The following SMOC2 variants were observed in gnomAD, a reference collection of about 807,000 sequenced individuals.
SMOC2 encodes SPARC related modular calcium binding 2.
SMOC2 carries 39 observed loss-of-function variants against 61.4 expected under a neutral mutation model. The ratio of observed to expected loss-of-function variants is 0.64; its 90% CI spans 0.49 to 0.83. The LOEUF (loss-of-function observed/expected upper bound fraction) is 0.83. SMOC2 is among the 40% of genes least tolerant of loss of function. SMOC2 has a pLI of 0.00. For synonymous variants in SMOC2, 247 were observed against 239.9 expected, an observed-to-expected ratio of 1.03 and a Z score of -0.27; for missense variants, 556 against 592.9, an observed-to-expected ratio of 0.94 and a Z score of 0.65.
chr6:168,611,647 G>C (rs58331691), intron 9 of SMOC2, among the ~76,000 whole-genome samples: 12,127 of 108,438 alleles, frequency 0.11, 516 homozygotes, highest in Middle Eastern at 0.18. Flanking sequence ...CGTGGCTCCC[G>C]TGTCGGGCCT....
At chr6:168,548,790 ATG>A (rs1784065809) in intron 6 of SMOC2, among the ~76,000 whole-genome samples, 1 of 152,212 alleles carries the variant, frequency 6.6e-6, no homozygotes, top group African/African-American at 2.4e-5. Context: ...AAAACGTTGT[ATG>A]TTATGTGAAT....
At chr6:168,451,626 T>TCC (rs1554280349) in intron 1 of SMOC2, among the ~76,000 whole-genome samples, 8 of 150,150 alleles carry the variant, frequency 5.3e-5, no homozygotes, top group Non-Finnish European at 1.2e-4. Context: ...TCTCTCTCTC[T>TCC]CTCCCTCCCT....
chr6:168,558,261 A>C (rs1368116633), intron 7 of SMOC2, among the ~76,000 whole-genome samples: 1 of 152,208 alleles, frequency 6.6e-6, no homozygotes, highest in East Asian at 1.9e-4. Context: ...CATGTCAGGC[A>C]TGGGGAGGAG....
intron 7 of SMOC2, among the ~76,000 whole-genome samples, chr6:168,573,707 G>A (rs1012541664): frequency 4.6e-5 from 7 of 152,100 alleles, no homozygotes; most frequent in African/African-American, 1.7e-4. Flanking sequence ...ACAGCCTCAG[G>A]ACCCTGTCTC....
chr6:168,510,219 G>A lies in SMOC2; in HGVS notation c.256+133G>A. On this transcript the variant is annotated intron_variant, in intron 2 of 12. Transcript: ENST00000356284. ...TATGTTGGCTCTTTTTTTACAGCAT[G>A]TAAGGAAGAAGAGTAATTTCTATGA... 3.8e-6 allele frequency: 3 copies of A among 781,542 alleles called. 1 individual carries two copies. The highest frequency in any genetic ancestry group is 4.7e-5 in the South Asian group (2 of 42,748). The allele number at this position is 781,542 out of a possible 1,614,324, so 48.4% of individuals were successfully genotyped here. A position where few individuals can be genotyped will look rare whatever the true frequency, so the allele number is the denominator to read the frequency against.
intron 7 of SMOC2, among the ~76,000 whole-genome samples, chr6:168,551,076 G>A (rs1241070951): frequency 1.3e-5 from 2 of 152,184 alleles, no homozygotes; most frequent in African/African-American, 4.8e-5. Flanking sequence ...CCCCCATGCT[G>A]TTCTCATGAT....
chr6:168,607,361 A>G (rs779763492), intron 8 of SMOC2, among the ~76,000 whole-genome samples: 5 of 152,120 alleles, frequency 3.3e-5, no homozygotes, highest in Admixed American at 1.3e-4. Context: ...GCTGAATGGC[A>G]TGCATATGGC....
intron 7 of SMOC2, among the ~76,000 whole-genome samples, chr6:168,550,281 C>T (rs1377921345): frequency 6.6e-6 from 1 of 152,196 alleles, no homozygotes; most frequent in African/African-American, 2.4e-5. Context: ...TTCACAGAGG[C>T]TGCTTATGCA....
rs150352718 is a variant in SMOC2, at chr6:168,504,052, G to A, written c.85-5863G>A. Among the ~76,000 whole-genome samples, 1,232 of 152,176 alleles carry A rather than the reference G, an allele frequency of 8.1e-3. 15 individuals are homozygous for A. The highest frequency in any genetic ancestry group is 0.028 in the African/African-American group (1,164 of 41,506). On this transcript the variant is annotated intron_variant, in intron 1 of 12. Coordinates refer to ENST00000356284, the MANE Select transcript of SMOC2 (RefSeq NM_001166412.2). ...ACTGGCCACCACGATGACACACGAGGCCTGCTTTCAGTGGCATCCTTTCCG... is the reference window on the plus strand; with the variant it reads ...ACTGGCCACCACGATGACACACGAGACCTGCTTTCAGTGGCATCCTTTCCG...
chr6:168,514,534 A>T (rs1187137323), intron 2 of SMOC2, among the ~76,000 whole-genome samples: 1 of 152,196 alleles, frequency 6.6e-6, no homozygotes, highest in South Asian at 2.1e-4. Flanking sequence ...CTGGAGAAAG[A>T]CTCAGATGTG....
intron 11 of SMOC2, among the ~76,000 whole-genome samples, chr6:168,657,416 G>A (rs2115282267): frequency 6.6e-6 from 1 of 152,328 alleles, no homozygotes; most frequent in South Asian, 2.1e-4. Flanking sequence ...GCCCACACCA[G>A]CATACACCTG....
At chr6:168,466,319 A>G (rs1781831614) in intron 1 of SMOC2, among the ~76,000 whole-genome samples, 1 of 151,120 alleles carries the variant, frequency 6.6e-6, no homozygotes, top group South Asian at 2.1e-4. Context: ...TGAAAACTGG[A>G]ACTGGGGTGC....
At chr6:168,489,853 C>T (rs1243686410) in intron 1 of SMOC2, among the ~76,000 whole-genome samples, 3 of 151,248 alleles carry the variant, frequency 2.0e-5, no homozygotes, top group Admixed American at 6.6e-5. Context: ...ATCGAATCAT[C>T]TGGGTCCTCT....
Position 168,545,403 on chromosome 6 carries a change from C to T in SMOC2, c.512-1716C>T, listed in dbSNP as rs569755817. 6.6e-5 allele frequency among the ~76,000 whole-genome samples: 10 copies of T among 152,324 alleles called. 1 individual carries two copies. In the South Asian group the frequency reaches 2.1e-3, roughly 32 times the overall value. On this transcript the variant is annotated intron_variant, in intron 5 of 12. Transcript: ENST00000356284. ...GTTTCCAGACACAAATAAGACACTT[C>T]ACACACTCTGATAGAGGGAAAGTAA...
chr6:168,624,275 CT>C (rs1255315505), intron 9 of SMOC2, among the ~76,000 whole-genome samples: 3 of 152,218 alleles, frequency 2.0e-5, no homozygotes, highest in Non-Finnish European at 2.9e-5. Context: ...CCCTCTGTAA[CT>C]TAGTTTCACT....
intron 1 of SMOC2, among the ~76,000 whole-genome samples, chr6:168,457,771 G>A (rs1194847666): frequency 3.3e-5 from 5 of 152,108 alleles, no homozygotes; most frequent in Admixed American, 2.0e-4. Context: ...GGCCCAGCTC[G>A]GCGAAGGCCT....
intron 7 of SMOC2, among the ~76,000 whole-genome samples, chr6:168,550,465 C>A (rs981966761): frequency 1.2e-4 from 18 of 152,214 alleles, no homozygotes; most frequent in Non-Finnish European, 2.2e-4. Context: ...CTTAAGCCAG[C>A]AGCCACCTCA....
At chr6:168,562,391 C>T (rs543449136) in intron 7 of SMOC2, among the ~76,000 whole-genome samples, 818 of 43,024 alleles carry the variant, frequency 0.019, 2 homozygotes, top group Middle Eastern at 0.071. Flanking sequence ...GCTCTCACTG[C>T]ATTCTTGGAG....
At chr6:168,560,469 T>C (rs1054482743) in intron 7 of SMOC2, among the ~76,000 whole-genome samples, 3 of 152,238 alleles carry the variant, frequency 2.0e-5, no homozygotes, top group Non-Finnish European at 2.9e-5. Flanking sequence ...TGAAGAAGAA[T>C]GCGTCCTCTG....
Sources: gnomAD v4.1 joint callset for allele counts (sites outside exome capture counted in the v4.1 genomes callset) on GRCh38, gnomAD v4.1.1 for gene constraint, MANE v1.5 for transcripts, NCBI Gene and HGNC (gene_info 2026-07-23, HGNC 2026-07-21) for gene names.